NELL1: variants seen among roughly 807,000 people sequenced by gnomAD.
NELL1 encodes protein kinase C-binding protein NELL1.
Under a neutral mutation model 107.4 loss-of-function variants are expected in NELL1, and 76 were observed. The ratio of observed to expected loss-of-function variants is 0.71; its 90% confidence interval spans 0.59 to 0.86. The LOEUF (loss-of-function observed/expected upper bound fraction) is 0.86. Ranked by LOEUF, NELL1 falls within the 40% of genes least tolerant of loss-of-function variation. The pLI is 0.00. For synonymous variants in NELL1, 353 were observed against 341.2 expected, an observed-to-expected ratio of 1.03 and a Z score of -0.38; for missense variants, 1,024 against 1,005.5, an observed-to-expected ratio of 1.02 and a Z score of -0.25.
intron 14 of NELL1, among the ~76,000 whole-genome samples, chr11:21,273,235 C>A (rs531159654): frequency 5.3e-4 from 80 of 152,248 alleles, no homozygotes; most frequent in African/African-American, 1.9e-3. Flanking sequence ...AAAACCAAGG[C>A]ATGCGAACTA....
intron 14 of NELL1, among the ~76,000 whole-genome samples, chr11:21,356,389 C>T (rs530387963): frequency 6.6e-6 from 1 of 152,202 alleles, no homozygotes; most frequent in East Asian, 1.9e-4. Context: ...TTCTTTGTTG[C>T]AGGACTGTCC....
chr11:21,341,774 A>G (rs902334932), intron 14 of NELL1, among the ~76,000 whole-genome samples: 1 of 152,240 alleles, frequency 6.6e-6, no homozygotes, highest in Non-Finnish European at 1.5e-5. Context: ...TCAAAGAAAG[A>G]GCAAGAAAAC....
At chr11:21,461,207 G>A (rs1307655512) in intron 15 of NELL1, among the ~76,000 whole-genome samples, 1 of 151,994 alleles carries the variant, frequency 6.6e-6, no homozygotes, top group African/African-American at 2.4e-5. Context: ...CAAATTGTTA[G>A]GAGAAGCGCT....
At chr11:20,796,591 A>G (rs1441773794) in intron 3 of NELL1, among the ~76,000 whole-genome samples, 1 of 152,328 alleles carries the variant, frequency 6.6e-6, no homozygotes, top group South Asian at 2.1e-4. Context: ...AAGTCTCCAC[A>G]CTTCAAACAA....
At chr11:20,962,121 G>A (rs911861880) in intron 12 of NELL1, among the ~76,000 whole-genome samples, 3 of 151,776 alleles carry the variant, frequency 2.0e-5, no homozygotes, top group Non-Finnish European at 2.9e-5. Flanking sequence ...TGTCACTTGG[G>A]AGAATGAAAC....
intron 14 of NELL1, among the ~76,000 whole-genome samples, chr11:21,291,753 G>C (rs1849267566): frequency 1.3e-5 from 2 of 151,992 alleles, no homozygotes; most frequent in Non-Finnish European, 2.9e-5. Context: ...TCATCCCTGG[G>C]ATGCAAGCCT....
In NELL1 at chr11:21,184,159, A is replaced by T. The variant is rs374272569; in HGVS notation, c.1427-45173A>T. On this transcript the variant is annotated intron_variant, in intron 13 of 19. Coordinates refer to ENST00000357134, the MANE Select transcript of NELL1 (RefSeq NM_006157.5). ...TGGCCTTCAGTTTCCTCTTTTGTAA[A>T]ATGAAGTGATTGGTTATAATCAATA... Among the ~76,000 whole-genome samples, 116 of 151,954 alleles carry T rather than the reference A, an allele frequency of 7.6e-4. 4 individuals carry two copies. Among genetic ancestry groups the T allele is most frequent in the African/African-American group, 2.4e-3 (97 of 41,270 alleles).
At chr11:20,775,579 G>A (rs928057563) in intron 2 of NELL1, among the ~76,000 whole-genome samples, 5 of 152,098 alleles carry the variant, frequency 3.3e-5, no homozygotes, top group Non-Finnish European at 7.3e-5. Flanking sequence ...ACTGAGATGC[G>A]GTGGGAGGTA....
rs1286788435 is a variant in NELL1 at position 20,947,450 on chromosome 11, TG to T, written c.1171+17del. 1 of 1,594,316 alleles carries T rather than the reference TG, an allele frequency of 6.3e-7. No homozygotes were observed. Among genetic ancestry groups the T allele is most frequent in the East Asian group, 2.2e-5 (1 of 44,806 alleles). On this transcript the variant is annotated intron_variant, in intron 11 of 19. Coordinates refer to ENST00000357134, the MANE Select transcript of NELL1 (RefSeq NM_006157.5). ...TGTCTGTAGAGGTAAGTGGGCTTGG[TG>T]GTGGGCCATGCGTGGGGTGAGGCTG...
At chr11:21,171,021 C>A (rs1244496633) in intron 13 of NELL1, among the ~76,000 whole-genome samples, 1 of 151,708 alleles carries the variant, frequency 6.6e-6, no homozygotes, top group African/African-American at 2.4e-5. Flanking sequence ...GCAGGTACAG[C>A]CTATTAATGA....
intron 15 of NELL1, among the ~76,000 whole-genome samples, chr11:21,492,638 C>T (rs1164668567): frequency 1.3e-5 from 2 of 150,508 alleles, no homozygotes; most frequent in African/African-American, 2.4e-5. Flanking sequence ...AGTAAACTAT[C>T]GCAAGGACAA....
At chr11:20,751,201 C>G (rs10766722) in intron 2 of NELL1, among the ~76,000 whole-genome samples, 110,453 of 151,510 alleles carry the variant, frequency 0.73, 42,019 homozygotes, top group Middle Eastern at 0.9. Context: ...CTGCTTTTCT[C>G]TTCTAGGTTC....
chr11:21,503,264 C>T (rs1322108883), intron 15 of NELL1, among the ~76,000 whole-genome samples: 3 of 152,160 alleles, frequency 2.0e-5, no homozygotes, highest in Admixed American at 6.5e-5. Context: ...TTGAAAGAGG[C>T]AGGCATAAGT....
chr11:20,906,596 A>G (rs1850003641), intron 5 of NELL1, among the ~76,000 whole-genome samples: 1 of 152,260 alleles, frequency 6.6e-6, no homozygotes, highest in East Asian at 1.9e-4. Flanking sequence ...ACATTTCTCA[A>G]CAAAATACAA....
At chr11:20,758,153 C>T (rs191134562) in intron 2 of NELL1, among the ~76,000 whole-genome samples, 110 of 152,254 alleles carry the variant, frequency 7.2e-4, no homozygotes, top group African/African-American at 2.3e-3. Context: ...CTTCAACATA[C>T]GAATTTTGGG....
Position 21,489,380 on chromosome 11 carries a change from CAAAAAAAAAAAAAA to C in NELL1, c.1646-44979_1646-44966del, listed in dbSNP as rs1163644356. 9.8e-4 allele frequency among the ~76,000 whole-genome samples: 47 copies of C among 47,796 alleles called. 1 individual carries two copies. Among genetic ancestry groups the C allele is most frequent in the Middle Eastern group, 0.026 (1 of 38 alleles). The allele number at this position is 47,796 out of a possible 152,430, so 31.4% of individuals were successfully genotyped here. ...AACACCAATCTTCCTGAAAGTATTT[CAAAAAAAAAAAAAA>C]AAAAAAAAAAAAAACAGAAGAAAAG... On this transcript the variant is annotated intron_variant, in intron 15 of 19. Coordinates refer to ENST00000357134, the MANE Select transcript of NELL1 (RefSeq NM_006157.5).
chr11:20,947,454 G>A lies in NELL1; in HGVS notation c.1171+19G>A. On this transcript the variant is annotated intron_variant, in intron 11 of 19. Transcript: ENST00000357134. ...TGTAGAGGTAAGTGGGCTTGGTGGTGGGCCATGCGTGGGGTGAGGCTGGGG... is the reference window on the plus strand; with the variant it reads ...TGTAGAGGTAAGTGGGCTTGGTGGTAGGCCATGCGTGGGGTGAGGCTGGGG... 6.3e-7 allele frequency: 1 copy of A among 1,587,352 alleles called. No homozygotes were observed. Among genetic ancestry groups the A allele is most frequent in the Non-Finnish European group, 8.7e-7 (1 of 1,155,716 alleles).
rs970853007 is a variant in NELL1, at chr11:20,967,384, G to C, written c.1300+6824G>C. 3.3e-5 allele frequency among the ~76,000 whole-genome samples: 5 copies of C among 151,604 alleles called. No homozygotes were observed. In the East Asian group the frequency reaches 9.6e-4, roughly 29 times the overall value. ...TTAAATATTTTGCATTTTATAAAAT[G>C]TGTGAACATCATGATCTATGTAGCA... On this transcript the variant is annotated intron_variant, in intron 12 of 19. Coordinates refer to ENST00000357134, the MANE Select transcript of NELL1 (RefSeq NM_006157.5).
At chr11:21,476,624 C>A (rs1479633507) in intron 15 of NELL1, among the ~76,000 whole-genome samples, 1 of 152,028 alleles carries the variant, frequency 6.6e-6, no homozygotes, top group African/African-American at 2.4e-5. Context: ...TCATAAGAAC[C>A]AAAAATCACT....
Sources: gnomAD v4.1 joint callset for allele counts (sites outside exome capture counted in the v4.1 genomes callset) on GRCh38, gnomAD v4.1.1 for gene constraint, MANE v1.5 for transcripts, NCBI Gene and HGNC (gene_info 2026-07-23, HGNC 2026-07-21) for gene names.